Variants in NIN observed in about 807,000 individuals in gnomAD.
NIN encodes glycogen synthase kinase 3 beta-interacting protein.
NIN carries 137 observed loss-of-function variants against 257.6 expected under a neutral mutation model. The observed-to-expected ratio is 0.53, with a 90% CI of 0.46 to 0.61. The LOEUF (loss-of-function observed/expected upper bound fraction) is 0.61, where lower values mean the gene tolerates loss of function less well. NIN is among the 20% of genes least tolerant of loss of function. The pLI is 0.00. For synonymous variants in NIN, 918 were observed against 919.8 expected, an observed-to-expected ratio of 1.00 and a Z score of 0.04; for missense variants, 2,439 against 2,501.2, an observed-to-expected ratio of 0.98 and a Z score of 0.53.
chr14:50,761,703 G>A (rs2042281291), intron 16 of NIN, 87 bp downstream of exon 16: 1 of 1,485,768 alleles, frequency 6.7e-7, no homozygotes, highest in East Asian at 2.3e-5. Context: ...GCTGCTCTAT[G>A]AGAAAAAAGA....
At chr14:50,764,299 C>T (rs527326185) in intron 14 of NIN, among the ~76,000 whole-genome samples, 27 of 152,112 alleles carry the variant, frequency 1.8e-4, no homozygotes, top group Non-Finnish European at 3.7e-4. Flanking sequence ...AAATCAAAGC[C>T]ACAATAAGAT....
Position 50,722,090 on chromosome 14 carries a change from G to A in NIN, c.*1373C>T, listed in dbSNP as rs969242673. On this transcript the variant is annotated 3_prime_UTR_variant, in exon 31 of 31. Coordinates refer to ENST00000530997, the MANE Select transcript of NIN (RefSeq NM_020921.4). ...ACAAGCAGGTTGTTGTGATGAACTT[G>A]GAAAGTGCCCTGCACCTAGTAAGTC... 8.8e-6 allele frequency: 2 copies of A among 228,502 alleles called. No homozygotes were observed. The highest frequency in any genetic ancestry group is 4.4e-5 in the African/African-American group (2 of 45,044). 14.2% of individuals were successfully genotyped at this position (228,502 alleles called of 1,614,324 possible). A position where few individuals can be genotyped will look rare whatever the true frequency, so the allele number is the denominator to read the frequency against.
chr14:50,827,491 T>TA (rs781062532), intron 2 of NIN, among the ~76,000 whole-genome samples: 7 of 151,758 alleles, frequency 4.6e-5, no homozygotes, highest in Non-Finnish European at 7.4e-5. Context: ...CTCATGCCTG[T>TA]AATCATAGCA....
At chr14:50,732,092 A>T (rs2040739486) in intron 28 of NIN, among the ~76,000 whole-genome samples, 1 of 152,074 alleles carries the variant, frequency 6.6e-6, no homozygotes, top group African/African-American at 2.4e-5. Context: ...TCTAGCCCTA[A>T]TTTTTTTCTT....
At chr14:50,826,928 T>C (rs2142541850) in intron 2 of NIN, among the ~76,000 whole-genome samples, 1 of 152,156 alleles carries the variant, frequency 6.6e-6, no homozygotes, top group East Asian at 1.9e-4. Context: ...GACATAGCTG[T>C]TGGGGGTCCA....
rs760260792 is a variant in NIN, at chr14:50,741,593, C to T, written c.5437G>A (p.Ala1813Thr). The T allele has an allele frequency of 6.2e-7, 1 of 1,613,628 alleles. No homozygotes were observed. Among genetic ancestry groups the T allele is most frequent in the Non-Finnish European group, 8.5e-7 (1 of 1,179,852 alleles). ...VMSLHKQLQNAGGKSWAPEIA... is the reference protein window; with the variant it reads ...VMSLHKQLQNTGGKSWAPEIA... ...AAAGAACAAATCACCTTGCCACCAG[C>T]ATTCTGAAGTTGCTTATGTAAAGAC... The change falls in exon 25 of 31, where the codon GCT becomes ACT. Residue 1813 changes from alanine to threonine, a missense_variant. Transcript: ENST00000530997.
intron 4 of NIN, among the ~76,000 whole-genome samples, chr14:50,797,753 T>C (rs2043905281): frequency 6.6e-6 from 1 of 151,436 alleles, no homozygotes; most frequent in East Asian, 1.9e-4. Flanking sequence ...CAGTGGAAAC[T>C]GACACAGAGA....
chr14:50,746,034 TAAAAAAAAAA>T (rs35691375), intron 22 of NIN, among the ~76,000 whole-genome samples: 39 of 135,432 alleles, frequency 2.9e-4, no homozygotes, highest in Admixed American at 2.6e-3. Flanking sequence ...AATGCTTGTT[TAAAAAAAAAA>T]AAAAAAAAGC....
chr14:50,738,414 T>A, intron 26 of NIN, 128 bp from the exon 27 acceptor site: 1 of 793,480 alleles, frequency 1.3e-6, no homozygotes, highest in Non-Finnish European at 2.0e-6. Context: ...ATCAAGCCTG[T>A]AAATACTTGA....
intron 3 of NIN, among the ~76,000 whole-genome samples, chr14:50,817,203 G>A (rs2044944042): frequency 6.6e-6 from 1 of 152,162 alleles, no homozygotes; most frequent in African/African-American, 2.4e-5. Context: ...TTTTGTATGA[G>A]TTATATTATG....
chr14:50,792,923 TCTC>T, intron 4 of NIN, 42 bp from the exon 5 acceptor site: 1 of 1,597,528 alleles, frequency 6.3e-7, no homozygotes, highest in Non-Finnish European at 8.6e-7. Context: ...GACATGAGAA[TCTC>T]AGTTCTTAGC....
At chr14:50,829,498 T>C (rs1289794161) in intron 2 of NIN, among the ~76,000 whole-genome samples, 1 of 152,228 alleles carries the variant, frequency 6.6e-6, no homozygotes, top group Admixed American at 6.5e-5. Context: ...TGTGTCAGGA[T>C]GGACTTTATC....
Position 50,729,689 on chromosome 14 carries a change from G to T in NIN, c.5912C>A (p.Pro1971Gln), listed in dbSNP as rs200441923. The stretch of plus-strand genomic sequence containing the variant: ...CTGCAAATCCCAAGCATGAGGGGAC[G>T]GGCTAGGCGTCGCAGTGGACCTCAG... The part of the protein sequence containing the change: ...QHLRSTATPS[P>Q]SPHAWDLQLL... Residue 1971 changes from proline (P) to glutamine (Q), a missense_variant, in exon 29 of 31, where the codon CCG becomes CAG. Pro to Gln is a moderately conservative substitution (Grantham distance 76). Around this residue, in one of 3 missense-constraint regions of NIN, gnomAD observed 2,043 missense variants for 2,050.2 expected, o/e 1.00. Coordinates refer to ENST00000530997, the MANE Select transcript of NIN (RefSeq NM_020921.4). The T allele has an allele frequency of 5.1e-4, 825 of 1,612,054 alleles. 5 individuals are homozygous for T. The highest frequency in any genetic ancestry group is 1.8e-4 in the Middle Eastern group (1 of 5,708).
chr14:50,806,905 C>T, intron 3 of NIN, 87 bp from the exon 4 acceptor site: 3 of 610,120 alleles, frequency 4.9e-6, no homozygotes, highest in Non-Finnish European at 8.4e-6. Flanking sequence ...CTGTTTTCTT[C>T]CCATCCTGAC....
intron 29 of NIN, chr14:50,727,810 G>A: frequency 7.2e-7 from 1 of 1,381,208 alleles, no homozygotes; most frequent in Non-Finnish European, 9.8e-7. Context: ...TTTTTAGGGG[G>A]AGTCTAAATT....
At position 50,822,015 on chromosome 14, in the gene NIN, C is replaced by T; in HGVS notation, c.42G>A (p.Lys14=). Residue 14 remains lysine (K), a synonymous_variant, in exon 3 of 31, where the codon AAG becomes AAA. Coordinates refer to ENST00000530997, the MANE Select transcript of NIN (RefSeq NM_020921.4). The part of the protein sequence containing the change: ...VEQDQHEARL[K]ELFDSFDTTG... ...TCGTGTCAAAACTGTCAAACAGCTC[C>T]TTGAGTCGGGCCTCATGCTGGTCCT... is the stretch of plus-strand genomic sequence containing the variant. 6.2e-7 allele frequency: 1 copy of T among 1,614,162 alleles called. No individual in the cohort carries two copies.
At chr14:50,811,139 G>T (rs185085742) in intron 3 of NIN, among the ~76,000 whole-genome samples, 1,857 of 147,050 alleles carry the variant, frequency 0.013, 33 homozygotes, top group African/African-American at 0.044. Context: ...ATGGAGGCTT[G>T]CTCTTGTCAC....
chr14:50,766,386 A>G lies in NIN; in HGVS notation c.1556T>C (p.Leu519Pro), dbSNP rs760244966. 4 of 1,614,160 alleles carry G rather than the reference A, an allele frequency of 2.5e-6. No individual in the cohort carries two copies. The South Asian group carries it at 4.4e-5, about 18-fold the overall frequency. Residue 519 changes from leucine (L) to proline (P), a missense_variant, in exon 14 of 31, where the codon CTC becomes CCC. Physicochemically the swap from Leu to Pro is moderately conservative, Grantham distance 98. Coordinates refer to ENST00000530997, the MANE Select transcript of NIN (RefSeq NM_020921.4). Reference protein sequence around the residue: ...ENVLAEKFGDLDPSSAEFFLQ... With the variant: ...ENVLAEKFGDPDPSSAEFFLQ... ...GAAGAACTCAGCACTGCTAGGATCG[A>G]GGTCACCAAACTAGAAGGGGAAAAG...
At chr14:50,816,663 A>C (rs1222231908) in intron 3 of NIN, among the ~76,000 whole-genome samples, 1 of 152,168 alleles carries the variant, frequency 6.6e-6, no homozygotes, top group Non-Finnish European at 1.5e-5. Flanking sequence ...CTAAAATCTG[A>C]GACAGACACT....
Sources: gnomAD v4.1 joint callset for allele counts (sites outside exome capture counted in the v4.1 genomes callset) on GRCh38, gnomAD v4.1.1 for gene constraint, gnomAD v4.1.1 regional missense constraint, MANE v1.5 for transcripts, NCBI Gene and HGNC (gene_info 2026-07-23, HGNC 2026-07-21) for gene names.